The following SH2B3 variants were observed in gnomAD, a reference collection of about 807,000 sequenced individuals.
SH2B3 encodes the protein SH2B adaptor protein 3, also known as SH2B adapter protein 3.
SH2B3 carries 43 observed loss-of-function variants against 51.9 expected under a neutral mutation model. The ratio of observed to expected loss-of-function variants is 0.83; its 90% CI spans 0.65 to 1.07. The LOEUF (loss-of-function observed/expected upper bound fraction) is 1.07, where lower values mean the gene tolerates loss of function less well. Among genes scored for constraint, SH2B3 ranks in the 50% least tolerant of loss-of-function variants. The probability of loss-of-function intolerance (pLI) is 0.00; values close to 1 mark genes in which losing one functional copy is unlikely to be tolerated. For missense variants in SH2B3, 952 were observed against 834.3 expected (o/e 1.14, Z -1.74); for synonymous variants, 396 against 376.0 (o/e 1.05, Z -0.62).
intron 2 of SH2B3, chr12:111,434,667 C>T (rs1347097257): frequency 1.8e-6 from 1 of 543,482 alleles, no homozygotes; most frequent in African/African-American, 2.1e-5. Flanking sequence ...CTTTCCCCAC[C>T]CAGGATCAGA....
In SH2B3 at chr12:111,435,682, C is replaced by T. The variant is rs1397436516; in HGVS notation, c.733-11071C>T. Among the ~76,000 whole-genome samples, 3 of 152,188 alleles carry T rather than the reference C, an allele frequency of 2.0e-5. No homozygotes were observed. Among genetic ancestry groups the T allele is most frequent in the East Asian group, 3.9e-4 (2 of 5,188 alleles). ...GCAGGGAGCCAGGCTTGCCCCCTCCCTGCCAAGGGAGCTGCTTGCTCTCCC... is the reference window on the plus strand; with the variant it reads ...GCAGGGAGCCAGGCTTGCCCCCTCCTTGCCAAGGGAGCTGCTTGCTCTCCC... On this transcript the variant is annotated intron_variant, in intron 2 of 7. Transcript: ENST00000341259. The surrounding 1 kb of genome is among the most constrained non-coding windows in gnomAD (Gnocchi z 4.8).
chr12:111,409,500 G>A lies in SH2B3; in HGVS notation c.-28+3223G>A, dbSNP rs968744037. ...CTGGCAGACCGGAGACGCCTGCCTC[G>A]GCGAGTCCAGAGGTGCAGTGCTAGC... On this transcript the variant is annotated intron_variant, in intron 1 of 7. Transcript: ENST00000341259. The surrounding 1 kb of genome is among the most constrained non-coding windows in gnomAD (Gnocchi z 4.0). Among the ~76,000 whole-genome samples the A allele has an allele frequency of 2.6e-5, 4 of 152,166 alleles. No individual in the cohort carries two copies. The highest frequency in any genetic ancestry group is 7.2e-5 in the African/African-American group (3 of 41,440).
chr12:111,447,268 C>G, intron 5 of SH2B3, 49 bp downstream of exon 5: 1 of 1,589,268 alleles, frequency 6.3e-7, no homozygotes, highest in Non-Finnish European at 8.6e-7. Flanking sequence ...CGCTGGAACC[C>G]AGACTCAGCC....
chr12:111,426,680 GTGT>G (rs1872029110), intron 2 of SH2B3, among the ~76,000 whole-genome samples: 1 of 152,184 alleles, frequency 6.6e-6, no homozygotes, highest in South Asian at 2.1e-4. Context: ...TTTCTTTGGG[GTGT>G]TGTTTTCTGA....
In SH2B3 at chr12:111,429,235, T is replaced by G. The variant is rs1305433374; in HGVS notation, c.732+10358T>G. 1.3e-5 allele frequency among the ~76,000 whole-genome samples: 2 copies of G among 152,216 alleles called. No individual in the cohort carries two copies. The highest frequency in any genetic ancestry group is 4.8e-5 in the African/African-American group (2 of 41,454). ...TGGCCCCAGGATCAACTGAGTGCTG[T>G]CTGGGAAGCACCTAGAGCTGTGCCC... On this transcript the variant is annotated intron_variant, in intron 2 of 7. Coordinates refer to ENST00000341259, the MANE Select transcript of SH2B3 (RefSeq NM_005475.3). The surrounding 1 kb of genome is among the most constrained non-coding windows in gnomAD (Gnocchi z 4.4).
intron 2 of SH2B3, among the ~76,000 whole-genome samples, chr12:111,434,371 T>G (rs924479012): frequency 6.6e-6 from 1 of 152,226 alleles, no homozygotes; most frequent in African/African-American, 2.4e-5. Flanking sequence ...GGATTTCGAC[T>G]GTTTCTCTTC....
upstream of SH2B3, among the ~76,000 whole-genome samples, chr12:111,405,057 A>G (rs1443939520): frequency 6.6e-6 from 1 of 152,030 alleles, no homozygotes; most frequent in African/African-American, 2.4e-5. This position sits in a 1 kb window ranked among gnomAD's most constrained non-coding sequence, Gnocchi z 5.4. Context: ...GGCTGAGAGC[A>G]TGTCCCACTC....
At chr12:111,414,199 T>A (rs1029903258) in intron 1 of SH2B3, among the ~76,000 whole-genome samples, 1 of 152,202 alleles carries the variant, frequency 6.6e-6, no homozygotes, top group African/African-American at 2.4e-5. Flanking sequence ...ATGTGGCCCC[T>A]CCCTCTCCCT....
intron 2 of SH2B3, among the ~76,000 whole-genome samples, chr12:111,441,224 A>G (rs1442758698): frequency 6.6e-6 from 1 of 152,022 alleles, no homozygotes; most frequent in Non-Finnish European, 1.5e-5. Flanking sequence ...TCTACAAAAA[A>G]ATAATCAGCC....
intron 2 of SH2B3, among the ~76,000 whole-genome samples, chr12:111,445,323 T>C (rs113235066): frequency 2.0e-5 from 3 of 152,310 alleles, no homozygotes; most frequent in African/African-American, 4.8e-5. Context: ...CTTACCCATC[T>C]TGCAGACAGG....
chr12:111,434,864 A>G (rs1280351883), intron 2 of SH2B3: 1 of 1,535,028 alleles, frequency 6.5e-7, no homozygotes, highest in East Asian at 2.4e-5. Context: ...CTAAAATGAT[A>G]GTAATGAGAG....
At chr12:111,439,249 A>G (rs1317475334) in intron 2 of SH2B3, among the ~76,000 whole-genome samples, 2 of 152,140 alleles carry the variant, frequency 1.3e-5, no homozygotes, top group African/African-American at 4.8e-5. Flanking sequence ...TCCTGGGTTC[A>G]AGCGATTCTC....
Position 111,427,388 on chromosome 12 carries a change from GAAAAAA to G in SH2B3, c.732+8536_732+8541del, listed in dbSNP as rs557658468. ...GCGACAGAGCAAGACTCCATCTCAG[GAAAAAA>G]AAAAAAAAAAAAAAAAAAAAAAAAT... On this transcript the variant is annotated intron_variant, in intron 2 of 7. Coordinates refer to ENST00000341259, the MANE Select transcript of SH2B3 (RefSeq NM_005475.3). Among the ~76,000 whole-genome samples the G allele has an allele frequency of 2.5e-4, 21 of 83,042 alleles. No individual in the cohort carries two copies. In the East Asian group the frequency reaches 3.3e-3, roughly 13 times the overall value. The allele number at this position is 83,042 out of a possible 152,430, so 54.5% of individuals were successfully genotyped here.
At position 111,447,221 on chromosome 12, in the gene SH2B3, T is replaced by G; in HGVS notation, c.1021+2T>G. ...GCAGCACAGATTCCCTTAACCAAGG[T>G]GGGTAAACCAATAGCTAGGCCATTG... On this transcript the variant is annotated splice_donor_variant, in intron 5 of 7. Transcript: ENST00000341259. LOFTEE classifies it high-confidence loss of function. 1 of 1,610,930 alleles carries G rather than the reference T, an allele frequency of 6.2e-7. No individual in the cohort carries two copies. The highest frequency in any genetic ancestry group is 8.5e-7 in the Non-Finnish European group (1 of 1,177,118).
rs780600327 is a variant in SH2B3 at position 111,410,935 on chromosome 12, G to A, written c.-28+4658G>A. 6.6e-6 allele frequency among the ~76,000 whole-genome samples: 1 copy of A among 152,196 alleles called. No individual in the cohort carries two copies. Among genetic ancestry groups the A allele is most frequent in the Admixed American group, 6.5e-5 (1 of 15,288 alleles). On this transcript the variant is annotated intron_variant, in intron 1 of 7. Transcript: ENST00000341259. This position sits in a 1 kb window ranked among gnomAD's most constrained non-coding sequence, Gnocchi z 4.9. ...AGATAGAAATGTTCCTTGTGGCCTA[G>A]ATTCAACCAGGAGGCCTCCCTGGAG...
rs1874373612 is a variant in SH2B3 at position 111,449,332 on chromosome 12, T to G, written c.*1030T>G. 6.6e-6 allele frequency: 1 copy of G among 152,234 alleles called. No homozygotes were observed. Among genetic ancestry groups the G allele is most frequent in the Non-Finnish European group, 1.5e-5 (1 of 68,044 alleles). 9.4% of individuals were successfully genotyped at this position (152,234 alleles called of 1,614,324 possible). A position where few individuals can be genotyped will look rare whatever the true frequency, so the allele number is the denominator to read the frequency against. ...AGGCTGGCTTGGTGCCCTCCAAGCA[T>G]CTAATGGCTTATTAAATTATCCCAC... is the stretch of plus-strand genomic sequence containing the variant. On this transcript the variant is annotated 3_prime_UTR_variant, in exon 8 of 8. Coordinates refer to ENST00000341259, the MANE Select transcript of SH2B3 (RefSeq NM_005475.3).
rs947424742 is a variant in SH2B3, at chr12:111,409,033, A to G, written c.-28+2756A>G. Among the ~76,000 whole-genome samples the G allele has an allele frequency of 1.3e-5, 2 of 152,374 alleles. No individual in the cohort carries two copies. On this transcript the variant is annotated intron_variant, in intron 1 of 7. Coordinates refer to ENST00000341259, the MANE Select transcript of SH2B3 (RefSeq NM_005475.3). The surrounding 1 kb of genome is among the most constrained non-coding windows in gnomAD (Gnocchi z 4.0). Reference sequence around the variant, plus strand: ...TGGTAGCAGTATGGACTTTGGGGCCAAATCTGGGCTCTGCCAGCTTCCAGG... The same window carrying G: ...TGGTAGCAGTATGGACTTTGGGGCCGAATCTGGGCTCTGCCAGCTTCCAGG...
intron 2 of SH2B3, among the ~76,000 whole-genome samples, chr12:111,428,917 G>A (rs1200617879): frequency 6.6e-6 from 1 of 152,060 alleles, no homozygotes; most frequent in Non-Finnish European, 1.5e-5. Context: ...GGGCGGGGAT[G>A]CAGGAGCCAC....
At position 111,418,952 on chromosome 12, in the gene SH2B3, G is replaced by A. The variant is rs1030083058; in HGVS notation, c.732+75G>A. On this transcript the variant is annotated intron_variant, in intron 2 of 7. Transcript: ENST00000341259. The surrounding 1 kb of genome is among the most constrained non-coding windows in gnomAD (Gnocchi z 6.7). ...TTCACCCTGGGGAGAGCGCGGGCTG[G>A]GGAGGTGTGATGGCTTTCCAGCTGG... 4.9e-5 allele frequency: 64 copies of A among 1,301,954 alleles called. No homozygotes were observed. Among genetic ancestry groups the A allele is most frequent in the Non-Finnish European group, 6.2e-5 (63 of 1,017,736 alleles). The allele number at this position is 1,301,954 out of a possible 1,614,324, so 80.7% of individuals were successfully genotyped here.
Sources: allele counts gnomAD v4.1 joint callset (sites outside exome capture counted in the v4.1 genomes callset), GRCh38; gene constraint gnomAD v4.1.1; non-coding constraint Gnocchi (gnomAD v3.1); transcripts MANE v1.5; gene names NCBI Gene and HGNC (gene_info 2026-07-23, HGNC 2026-07-21).